CTNNA3: variants seen among roughly 807,000 people sequenced by gnomAD.
CTNNA3 encodes catenin alpha-3.
CTNNA3 carries 76 observed loss-of-function variants against 95.7 expected under a neutral mutation model. The ratio of observed to expected loss-of-function variants is 0.79; its 90% CI spans 0.66 to 0.96. The LOEUF (loss-of-function observed/expected upper bound fraction) is 0.96. CTNNA3 is among the 40% of genes least tolerant of loss of function. The probability of loss-of-function intolerance (pLI) is 0.00; values close to 1 mark genes in which losing one functional copy is unlikely to be tolerated. For synonymous variants in CTNNA3, 431 were observed against 374.4 expected, an observed-to-expected ratio of 1.15 and a Z score of -1.74; for missense variants, 1,191 against 1,089.8, an observed-to-expected ratio of 1.09 and a Z score of -1.31.
chr10:66,221,511 T>C (rs771766950), intron 13 of CTNNA3, among the ~76,000 whole-genome samples: 2 of 152,206 alleles, frequency 1.3e-5, no homozygotes, highest in African/African-American at 2.4e-5. Context: ...CAACTAGTGC[T>C]CTTTCCTCTG....
At position 67,606,894 on chromosome 10, in the gene CTNNA3, A is replaced by G. The variant is rs762885597; in HGVS notation, c.255T>C (p.Asp85=). The change falls in exon 3 of 18, where the codon GAT becomes GAC. Residue 85 remains aspartate (D), a synonymous_variant. Transcript: ENST00000433211. ...KIAQEATVLK[D]ELTASLEEVR... is the part of the protein sequence containing the mutation. Reference sequence around the variant, plus strand: ...CTTCCTCAAGTGAAGCCGTAAGCTCATCCTTTAAAACTGTAGCTTCCTGGG... The same window carrying G: ...CTTCCTCAAGTGAAGCCGTAAGCTCGTCCTTTAAAACTGTAGCTTCCTGGG... 2 of 1,613,894 alleles carry G rather than the reference A, an allele frequency of 1.2e-6. No individual in the cohort carries two copies. Among genetic ancestry groups the G allele is most frequent in the Non-Finnish European group, 1.7e-6 (2 of 1,179,800 alleles).
chr10:67,080,990 A>G (rs1215287807), intron 7 of CTNNA3, among the ~76,000 whole-genome samples: 1 of 152,040 alleles, frequency 6.6e-6, no homozygotes, highest in Non-Finnish European at 1.5e-5. Context: ...CTAAACAATA[A>G]ATCAGCATCC....
intron 11 of CTNNA3, among the ~76,000 whole-genome samples, chr10:66,458,133 G>GA (rs1564982914): frequency 6.6e-6 from 1 of 152,144 alleles, no homozygotes; most frequent in East Asian, 1.9e-4. Context: ...CTTAGGGAGT[G>GA]AAAAATGTTG....
At chr10:66,398,596 A>C (rs898749930) in intron 11 of CTNNA3, among the ~76,000 whole-genome samples, 1 of 152,010 alleles carries the variant, frequency 6.6e-6, no homozygotes, top group Non-Finnish European at 1.5e-5. Context: ...GAAAGGTAAC[A>C]TGACGGCAAA....
intron 5 of CTNNA3, among the ~76,000 whole-genome samples, chr10:67,475,946 G>A (rs1313743198): frequency 6.6e-6 from 1 of 152,188 alleles, no homozygotes; most frequent in African/African-American, 2.4e-5. Flanking sequence ...AGATTGAGTT[G>A]AAGGAAAATA....
chr10:66,195,531 T>G (rs1009073848), intron 13 of CTNNA3, among the ~76,000 whole-genome samples: 2 of 152,234 alleles, frequency 1.3e-5, no homozygotes, highest in Non-Finnish European at 2.9e-5. Context: ...CAGTTAGCAG[T>G]GTAGTGACAT....
intron 15 of CTNNA3, among the ~76,000 whole-genome samples, chr10:66,062,085 A>ATTTCT (rs1210909363): frequency 1.3e-5 from 2 of 152,108 alleles, no homozygotes; most frequent in African/African-American, 2.4e-5. Context: ...TCTGACCTCT[A>ATTTCT]TTTCTTTATT....
intron 2 of CTNNA3, among the ~76,000 whole-genome samples, chr10:67,625,976 G>C (rs1346627181): frequency 6.6e-6 from 1 of 152,116 alleles, no homozygotes; most frequent in South Asian, 2.1e-4. Flanking sequence ...CTGGAGCCCA[G>C]GAGTTTGAGA....
At chr10:66,045,168 G>T (rs1024797961) in intron 15 of CTNNA3, among the ~76,000 whole-genome samples, 1 of 152,192 alleles carries the variant, frequency 6.6e-6, no homozygotes, top group Admixed American at 6.5e-5. Flanking sequence ...ACTTAGAGTT[G>T]CTGGGGACAT....
chr10:67,502,845 C>T (rs1839275923), intron 5 of CTNNA3, among the ~76,000 whole-genome samples: 2 of 152,210 alleles, frequency 1.3e-5, no homozygotes, highest in Admixed American at 1.3e-4. Flanking sequence ...CCCAGTTTGA[C>T]TTCAGACTGC....
At chr10:67,029,394 A>C (rs1028814541) in intron 7 of CTNNA3, among the ~76,000 whole-genome samples, 1 of 152,282 alleles carries the variant, frequency 6.6e-6, no homozygotes, top group Admixed American at 6.5e-5. Context: ...ATAAATGGGG[A>C]AGACCTATAA....
chr10:66,566,514 C>CA (rs1416216879), intron 10 of CTNNA3, among the ~76,000 whole-genome samples: 1 of 152,142 alleles, frequency 6.6e-6, no homozygotes, highest in Non-Finnish European at 1.5e-5. Context: ...AAATCAAACG[C>CA]AAAAGCAATT....
intron 12 of CTNNA3, among the ~76,000 whole-genome samples, chr10:66,309,926 TAA>T (rs2091991374): frequency 9.2e-6 from 1 of 109,098 alleles, no homozygotes; most frequent in Non-Finnish European, 2.1e-5. Flanking sequence ...AATAAATAAA[TAA>T]ATAAATAAAT....
chr10:66,496,428 AG>A (rs1840101098), intron 11 of CTNNA3, among the ~76,000 whole-genome samples: 1 of 152,216 alleles, frequency 6.6e-6, no homozygotes. Context: ...TCTCATTACT[AG>A]AATAATGAAG....
At position 66,697,006 on chromosome 10, in the gene CTNNA3, A is replaced by G. The variant is rs1402021034; in HGVS notation, c.1281+69258T>C. ...CTCTGCTTAGGTCAATTAAACTACA[A>G]ATTTCTCAGTAATTTTTGAACGCTC... On this transcript the variant is annotated intron_variant, in intron 9 of 17. Coordinates refer to ENST00000433211, the MANE Select transcript of CTNNA3 (RefSeq NM_013266.4). 3.7e-4 allele frequency among the ~76,000 whole-genome samples: 57 copies of G among 152,088 alleles called. 1 individual carries two copies. Among genetic ancestry groups the G allele is most frequent in the Admixed American group, 3.7e-3 (57 of 15,266 alleles).
rs112536704 is a variant in CTNNA3, at chr10:66,605,251, G to A, written c.1374+16441C>T. Among the ~76,000 whole-genome samples, 476 of 151,962 alleles carry A rather than the reference G, an allele frequency of 3.1e-3. 3 individuals carry two copies. Among genetic ancestry groups the A allele is most frequent in the Non-Finnish European group, 5.6e-3 (383 of 67,922 alleles). ...TTTCTAAAATAAGACAGTCAGAAAA[G>A]AATAGAGAAAAAAGAATGAAAAGGA... On this transcript the variant is annotated intron_variant, in intron 10 of 17. Transcript: ENST00000433211.
At chr10:66,448,656 A>T (rs989542620) in intron 11 of CTNNA3, among the ~76,000 whole-genome samples, 9 of 150,368 alleles carry the variant, frequency 6.0e-5, no homozygotes, top group African/African-American at 2.2e-4. Context: ...GAAGGGGAAC[A>T]TCACACTTCA....
intron 5 of CTNNA3, among the ~76,000 whole-genome samples, chr10:67,231,286 T>C (rs1480192139): frequency 6.6e-6 from 1 of 152,222 alleles, no homozygotes; most frequent in Non-Finnish European, 1.5e-5. Context: ...TCTGACAGCT[T>C]TGAAGAGAGC....
intron 1 of CTNNA3, among the ~76,000 whole-genome samples, chr10:67,726,671 A>ATATGATGT (rs1564841414): frequency 3.8e-5 from 3 of 78,038 alleles, no homozygotes; most frequent in South Asian, 4.2e-4. Flanking sequence ...ATATTATATT[A>ATATGATGT]ATTATATAAT....
Sources: allele counts gnomAD v4.1 joint callset (sites outside exome capture counted in the v4.1 genomes callset), GRCh38; gene constraint gnomAD v4.1.1; transcripts MANE v1.5; gene names NCBI Gene and HGNC (gene_info 2026-07-23, HGNC 2026-07-21).